OLFML1: variants seen among roughly 807,000 people sequenced by gnomAD.
OLFML1 encodes olfactomedin-like protein 1.
OLFML1 carries 33 observed loss-of-function variants against 37.3 expected under a neutral mutation model. The observed-to-expected ratio is 0.88, with a 90% CI of 0.67 to 1.18. The LOEUF is 1.18. Among genes scored for constraint, OLFML1 ranks in the 50% most tolerant of loss-of-function variants. OLFML1 has a pLI of 0.00. For missense variants in OLFML1, 545 were observed against 483.7 expected, an observed-to-expected ratio of 1.13 and a Z score of -1.19; for synonymous variants, 186 against 181.3, an observed-to-expected ratio of 1.03 and a Z score of -0.21.
intron 2 of OLFML1, among the ~76,000 whole-genome samples, chr11:7,492,690 C>T (rs79731512): frequency 3.3e-5 from 5 of 151,976 alleles, no homozygotes; most frequent in East Asian, 1.9e-4. Flanking sequence ...GGATGTTTTG[C>T]GGGTAGGTAC....
In OLFML1 at chr11:7,509,457, A is replaced by T; in HGVS notation, c.478A>T (p.Thr160Ser). The change falls in exon 3 of 3, where the codon ACA becomes TCA. Residue 160 changes from threonine (T) to serine (S), a missense_variant. Thr to Ser is a moderately conservative substitution (Grantham distance 58, BLOSUM62 1). Coordinates refer to ENST00000329293, the MANE Select transcript of OLFML1 (RefSeq NM_198474.4). ...SLKIVKKMMD[T>S]HGSWMKDAVY... is the part of the protein sequence containing the mutation. ...GAAAATAGTGAAGAAGATGATGGAC[A>T]CACATGGCTCTTGGATGAAAGATGC... The T allele has an allele frequency of 6.2e-7, 1 of 1,614,030 alleles. No individual in the cohort carries two copies. The highest frequency in any genetic ancestry group is 1.1e-5 in the South Asian group (1 of 91,028).
In OLFML1 at chr11:7,510,374, G is replaced by C. The variant is rs1161728889; in HGVS notation, c.*186G>C. 3.5e-6 allele frequency: 2 copies of C among 568,656 alleles called. No homozygotes were observed. The highest frequency in any genetic ancestry group is 6.1e-6 in the Non-Finnish European group (2 of 325,752). The allele number at this position is 568,656 out of a possible 1,614,324, so 35.2% of individuals were successfully genotyped here. ...AGGTATCTTCCAAGAGCTTAGATGA[G>C]AGCATATCATCAGGAAAGTTTCAAC... On this transcript the variant is annotated 3_prime_UTR_variant, in exon 3 of 3. Coordinates refer to ENST00000329293, the MANE Select transcript of OLFML1 (RefSeq NM_198474.4).
At chr11:7,509,369 A>C in intron 2 of OLFML1, 29 bp from the exon 3 acceptor site, 2 of 1,540,616 alleles carry the variant, frequency 1.3e-6, no homozygotes, top group Non-Finnish European at 1.8e-6. Context: ...TTTATAAAGT[A>C]ATCTCTCCTT....
Position 7,509,976 on chromosome 11 carries a change from ACTGGGGGC to A in OLFML1, c.999_1006del (p.Gly335ProfsTer9). 6 of 1,614,238 alleles carry A rather than the reference ACTGGGGGC, an allele frequency of 3.7e-6. No individual in the cohort carries two copies. Among genetic ancestry groups the A allele is most frequent in the Non-Finnish European group, 5.1e-6 (6 of 1,180,036 alleles). ...TGGGGTTCTCTATGTGGTCTACAGT[ACTGGGGGC>A]CAGGGCCCTCATCGCATCACCTGCA... is the stretch of plus-strand genomic sequence containing the variant. On this transcript the variant is annotated frameshift_variant, in exon 3 of 3. Coordinates refer to ENST00000329293, the MANE Select transcript of OLFML1 (RefSeq NM_198474.4). LOFTEE classifies it high-confidence loss of function.
chr11:7,493,688 T>C (rs1456790882), intron 2 of OLFML1, among the ~76,000 whole-genome samples: 1 of 152,254 alleles, frequency 6.6e-6, no homozygotes, highest in Non-Finnish European at 1.5e-5. Context: ...AGCACTTCTT[T>C]TGTTTATCCA....
Position 7,499,310 on chromosome 11 carries a change from A to C in OLFML1, c.419-10088A>C, listed in dbSNP as rs537676465. Among the ~76,000 whole-genome samples the C allele has an allele frequency of 2.6e-5, 4 of 152,258 alleles. No homozygotes were observed. In the South Asian group the frequency reaches 8.3e-4, roughly 32 times the overall value. ...AACCTTGCATGTCATTGCCTCTGTT[A>C]AAAAAATTTGCATCTTGGCTGGACC... is the stretch of plus-strand genomic sequence containing the variant. On this transcript the variant is annotated intron_variant, in intron 2 of 2. Transcript: ENST00000329293.
chr11:7,510,093 C>G lies in OLFML1; in HGVS notation c.1114C>G (p.His372Asp). Reference protein sequence around the residue: ...PKRPRSHSMIHYNPRDKQLYA... With the variant: ...PKRPRSHSMIDYNPRDKQLYA... ...GAGACCAAGAAGTCACTCCATGATC[C>G]ATTACAACCCCAGAGATAAGCAGCT... Residue 372 changes from histidine to aspartate, a missense_variant, in exon 3 of 3, where the codon CAT becomes GAT. By Grantham distance (81) the His-to-Asp change is moderately conservative (BLOSUM62 -1). Coordinates refer to ENST00000329293, the MANE Select transcript of OLFML1 (RefSeq NM_198474.4). The G allele has an allele frequency of 1.9e-6, 3 of 1,614,184 alleles. No homozygotes were observed. The South Asian group carries it at 3.3e-5, about 18-fold the overall frequency.
At chr11:7,490,474 G>C (rs750415923) in intron 2 of OLFML1, among the ~76,000 whole-genome samples, 12 of 152,104 alleles carry the variant, frequency 7.9e-5, no homozygotes, top group Admixed American at 2.6e-4. Context: ...TCCCTGAGCT[G>C]TTTCTGGTCC....
intron 2 of OLFML1, among the ~76,000 whole-genome samples, chr11:7,503,626 A>T (rs1848748820): frequency 6.6e-6 from 1 of 152,224 alleles, no homozygotes; most frequent in Non-Finnish European, 1.5e-5. Flanking sequence ...AGGAGTTTTA[A>T]TATAAAGTGG....
In OLFML1 at chr11:7,503,931, C is replaced by T. The variant is rs138470862; in HGVS notation, c.419-5467C>T. Among the ~76,000 whole-genome samples, 967 of 152,212 alleles carry T rather than the reference C, an allele frequency of 6.4e-3. 12 individuals carry two copies. The highest frequency in any genetic ancestry group is 0.022 in the African/African-American group (910 of 41,504). Reference sequence around the variant, plus strand: ...GATGCTATTCTAGGAACAAGGCATACAGTAGTGAATGAAACAGATAAGACA... The same window carrying T: ...GATGCTATTCTAGGAACAAGGCATATAGTAGTGAATGAAACAGATAAGACA... On this transcript the variant is annotated intron_variant, in intron 2 of 2. Coordinates refer to ENST00000329293, the MANE Select transcript of OLFML1 (RefSeq NM_198474.4).
At chr11:7,497,348 T>C (rs1590060260) in intron 2 of OLFML1, among the ~76,000 whole-genome samples, 1 of 152,200 alleles carries the variant, frequency 6.6e-6, no homozygotes, top group African/African-American at 2.4e-5. Flanking sequence ...TGACGTTCTT[T>C]TGAGGGAGGC....
chr11:7,509,317 T>G (rs1848823597), intron 2 of OLFML1, 81 bp from the exon 3 acceptor site: 1 of 1,070,890 alleles, frequency 9.3e-7, no homozygotes, highest in Non-Finnish European at 1.4e-6. Flanking sequence ...GAAACAAGAT[T>G]TACCAAGCAT....
At chr11:7,491,016 A>T (rs1848589475) in intron 2 of OLFML1, among the ~76,000 whole-genome samples, 1 of 152,126 alleles carries the variant, frequency 6.6e-6, no homozygotes, top group Non-Finnish European at 1.5e-5. Flanking sequence ...TTACAAAGTG[A>T]TGCAAGTTGA....
Position 7,488,427 on chromosome 11 carries a change from G to C in OLFML1, c.418+12G>C. 1.9e-6 allele frequency: 3 copies of C among 1,601,922 alleles called. No individual in the cohort carries two copies. Among genetic ancestry groups the C allele is most frequent in the African/African-American group, 1.3e-5 (1 of 74,618 alleles). On this transcript the variant is annotated intron_variant, in intron 2 of 2. Transcript: ENST00000329293. The stretch of plus-strand genomic sequence containing the variant: ...TCTGCTGAATGCAAGTAAGAAAACT[G>C]CATCTTTTCCTAGCCCTTCTAGGGA...
chr11:7,503,469 C>T (rs2134184761), intron 2 of OLFML1, among the ~76,000 whole-genome samples: 1 of 152,282 alleles, frequency 6.6e-6, no homozygotes, highest in South Asian at 2.1e-4. Context: ...TGAGAATTGA[C>T]CCTTGGATTT....
At chr11:7,493,247 C>A (rs1848621043) in intron 2 of OLFML1, among the ~76,000 whole-genome samples, 1 of 152,168 alleles carries the variant, frequency 6.6e-6, no homozygotes, top group African/African-American at 2.4e-5. Flanking sequence ...ATAAGAAAGT[C>A]TGTTGCAGCA....
At chr11:7,491,888 A>G (rs1358171375) in intron 2 of OLFML1, among the ~76,000 whole-genome samples, 2 of 152,192 alleles carry the variant, frequency 1.3e-5, no homozygotes, top group Non-Finnish European at 2.9e-5. Context: ...TCTCTTTAGG[A>G]AGCGCCTAGT....
At chr11:7,496,150 G>C (rs1848660495) in intron 2 of OLFML1, among the ~76,000 whole-genome samples, 1 of 152,224 alleles carries the variant, frequency 6.6e-6, no homozygotes, top group Non-Finnish European at 1.5e-5. Flanking sequence ...GGGTGACTGG[G>C]TTGTCCTCTG....
At chr11:7,505,392 A>G (rs1471963463) in intron 2 of OLFML1, among the ~76,000 whole-genome samples, 1 of 152,086 alleles carries the variant, frequency 6.6e-6, no homozygotes, top group South Asian at 2.1e-4. Context: ...TATTAAGACT[A>G]CTCTTTCCTA....
Sources: allele counts gnomAD v4.1 joint callset (sites outside exome capture counted in the v4.1 genomes callset), GRCh38; gene constraint gnomAD v4.1.1; transcripts MANE v1.5; gene names NCBI Gene and HGNC (gene_info 2026-07-23, HGNC 2026-07-21).